ELOVL7: variants seen among roughly 807,000 people sequenced by gnomAD.
ELOVL7 encodes the protein ELOVL fatty acid elongase 7, also known as very long chain fatty acid elongase 7.
ELOVL7 carries 27 observed loss-of-function variants against 35.7 expected under a neutral mutation model. The observed-to-expected ratio is 0.76, with a 90% CI of 0.56 to 1.04. The LOEUF is 1.04. Ranked by LOEUF, ELOVL7 falls within the 50% of genes least tolerant of loss-of-function variation. The pLI, the probability that ELOVL7 is intolerant of heterozygous loss-of-function variation, is 0.00. For synonymous variants in ELOVL7, 113 were observed against 114.6 expected, an observed-to-expected ratio of 0.99 and a Z score of 0.09; for missense variants, 327 against 340.8, an observed-to-expected ratio of 0.96 and a Z score of 0.32.
intron 3 of ELOVL7, chr5:60,784,148 T>G (rs1431353704): frequency 1.2e-5 from 19 of 1,521,402 alleles, no homozygotes; most frequent in Non-Finnish European, 1.6e-5. Flanking sequence ...ATTCTCTTCT[T>G]AAGTAGCAGG....
intron 1 of ELOVL7, among the ~76,000 whole-genome samples, chr5:60,823,875 C>A (rs1312043475): frequency 6.6e-6 from 1 of 152,092 alleles, no homozygotes; most frequent in Non-Finnish European, 1.5e-5. Flanking sequence ...TAATATGCAG[C>A]CAAGATTGAG....
rs1741315873 is a variant in ELOVL7, at chr5:60,752,188, T to C, written c.*2436A>G. ...TTTTAATAAATATGGCCCATACAAA[T>C]TCCATATCCAGTGAAAATCATTTTG... is the stretch of plus-strand genomic sequence containing the variant. On this transcript the variant is annotated 3_prime_UTR_variant, in exon 9 of 9. Coordinates refer to ENST00000508821, the MANE Select transcript of ELOVL7 (RefSeq NM_024930.3). 1 of 152,196 alleles carries C rather than the reference T, an allele frequency of 6.6e-6. No individual in the cohort carries two copies. The highest frequency in any genetic ancestry group is 6.5e-5 in the Admixed American group (1 of 15,280). 9.4% of individuals were successfully genotyped at this position (152,196 alleles called of 1,614,324 possible). A position where few individuals can be genotyped will look rare whatever the true frequency, so the allele number is the denominator to read the frequency against.
intron 1 of ELOVL7, among the ~76,000 whole-genome samples, chr5:60,802,061 CATATATATATATATATATATATAT>C (rs59849955): frequency 9.0e-5 from 7 of 77,372 alleles, no homozygotes; most frequent in Admixed American, 3.4e-4. Flanking sequence ...AATAAACTCT[CATATATATATATATATATATATAT>C]ATATATATAT....
intron 1 of ELOVL7, among the ~76,000 whole-genome samples, chr5:60,831,893 G>T (rs1746502266): frequency 6.6e-6 from 1 of 152,080 alleles, no homozygotes; most frequent in African/African-American, 2.4e-5. Flanking sequence ...GCATTACCTA[G>T]ATTTTCCCCT....
chr5:60,806,650 G>T (rs1744942627), intron 1 of ELOVL7, among the ~76,000 whole-genome samples: 1 of 152,210 alleles, frequency 6.6e-6, no homozygotes, highest in South Asian at 2.1e-4. Context: ...CACAGTTCTG[G>T]ATGCTAGAAG....
intron 1 of ELOVL7, among the ~76,000 whole-genome samples, chr5:60,816,235 C>G (rs1745508535): frequency 6.6e-6 from 1 of 152,080 alleles, no homozygotes; most frequent in Non-Finnish European, 1.5e-5. Context: ...CAAAAATTAG[C>G]CGGGCATGGT....
chr5:60,813,645 AT>A (rs531763992), intron 1 of ELOVL7, among the ~76,000 whole-genome samples: 70 of 147,436 alleles, frequency 4.7e-4, no homozygotes, highest in East Asian at 1.6e-3. Flanking sequence ...GTTTATATCA[AT>A]TTTTTTTTTT....
At chr5:60,757,375 T>C (rs573553704) in intron 8 of ELOVL7, 134 bp downstream of exon 8, 10 of 749,890 alleles carry the variant, frequency 1.3e-5, no homozygotes, top group African/African-American at 1.0e-4. Flanking sequence ...CATGATGGCA[T>C]ATCATGTAGG....
At chr5:60,798,459 A>C (rs1479226762) in intron 2 of ELOVL7, among the ~76,000 whole-genome samples, 1 of 152,146 alleles carries the variant, frequency 6.6e-6, no homozygotes, top group Non-Finnish European at 1.5e-5. Context: ...TAACTTGCTG[A>C]GGGTGGAGGG....
intron 1 of ELOVL7, among the ~76,000 whole-genome samples, chr5:60,833,092 AG>A (rs1308826208): frequency 6.6e-6 from 1 of 152,164 alleles, no homozygotes; most frequent in Admixed American, 6.5e-5. Flanking sequence ...ACAAAGATGG[AG>A]GGGGGCAATC....
chr5:60,814,705 G>A (rs1242776023), intron 1 of ELOVL7, among the ~76,000 whole-genome samples: 2 of 152,142 alleles, frequency 1.3e-5, no homozygotes, highest in Admixed American at 6.5e-5. Context: ...CAGTTACTAA[G>A]CTGTAGAGGA....
intron 2 of ELOVL7, among the ~76,000 whole-genome samples, chr5:60,794,917 C>G (rs1386905380): frequency 6.6e-6 from 1 of 152,176 alleles, no homozygotes; most frequent in African/African-American, 2.4e-5. Flanking sequence ...AAATGCTAAC[C>G]TTCCTATGGG....
chr5:60,839,122 C>T (rs1012873380), intron 1 of ELOVL7, among the ~76,000 whole-genome samples: 1 of 152,010 alleles, frequency 6.6e-6, no homozygotes, highest in African/African-American at 2.4e-5. Flanking sequence ...CAGATCATCA[C>T]CTGAGTTCAG....
At position 60,784,818 on chromosome 5, in the gene ELOVL7, A is replaced by C. The variant is rs752506041; in HGVS notation, c.64+2516T>G. 6.6e-5 allele frequency among the ~76,000 whole-genome samples: 10 copies of C among 152,332 alleles called. No individual in the cohort carries two copies. The East Asian group carries it at 9.6e-4, about 15-fold the overall frequency. On this transcript the variant is annotated intron_variant, in intron 3 of 8. Transcript: ENST00000508821. ...TTTATAAAGCTGTATATCTCAAAAC[A>C]AAACATTTTAACCCTTTTAGACCAT...
At chr5:60,782,013 G>C (rs903191508) in intron 3 of ELOVL7, among the ~76,000 whole-genome samples, 1 of 152,070 alleles carries the variant, frequency 6.6e-6, no homozygotes, top group African/African-American at 2.4e-5. Flanking sequence ...AAGTCAAATT[G>C]CAAAAAACAA....
Position 60,754,332 on chromosome 5 carries a change from C to CT in ELOVL7, c.*291dup. The CT allele has an allele frequency of 2.8e-6, 1 of 358,380 alleles. No homozygotes were observed. The highest frequency in any genetic ancestry group is 5.2e-6 in the Non-Finnish European group (1 of 193,106). 22.2% of individuals were successfully genotyped at this position (358,380 alleles called of 1,614,324 possible). On this transcript the variant is annotated 3_prime_UTR_variant, in exon 9 of 9. Transcript: ENST00000508821. The stretch of plus-strand genomic sequence containing the variant: ...TGAAGAGTACTGTATTGCTTCATAT[C>CT]TTTTTTTCACTGCAACAAAATGTTT...
intron 6 of ELOVL7, among the ~76,000 whole-genome samples, chr5:60,765,777 T>C (rs1188273345): frequency 6.6e-6 from 1 of 152,186 alleles, no homozygotes; most frequent in Non-Finnish European, 1.5e-5. Flanking sequence ...TGATTAGTCA[T>C]TTCAAAAGGT....
chr5:60,835,051 G>A (rs941307901), intron 1 of ELOVL7, among the ~76,000 whole-genome samples: 5 of 151,572 alleles, frequency 3.3e-5, no homozygotes, highest in African/African-American at 9.7e-5. Flanking sequence ...TTAGCCGGGC[G>A]TGGTGGCACA....
chr5:60,802,079 T>C (rs1561453871), intron 1 of ELOVL7, among the ~76,000 whole-genome samples: 1 of 11,408 alleles, frequency 8.8e-5, no homozygotes, highest in Non-Finnish European at 1.6e-4. Context: ...TATATATATA[T>C]ATATATATAT....
Sources: allele counts gnomAD v4.1 joint callset (sites outside exome capture counted in the v4.1 genomes callset), GRCh38; gene constraint gnomAD v4.1.1; transcripts MANE v1.5; gene names NCBI Gene and HGNC (gene_info 2026-07-23, HGNC 2026-07-21).